CWC27: variants seen among roughly 807,000 people sequenced by gnomAD.
CWC27 encodes CWC27 spliceosome associated cyclophilin.
A neutral mutation model predicts 63.6 loss-of-function variants in CWC27; 47 were observed. That is an observed-to-expected ratio of 0.74 (90% CI 0.58 to 0.94). The LOEUF is 0.94. Among genes scored for constraint, CWC27 ranks in the 40% least tolerant of loss-of-function variants. CWC27 has a pLI of 0.00. For synonymous variants in CWC27, 175 were observed against 179.8 expected, an observed-to-expected ratio of 0.97 and a Z score of 0.22; for missense variants, 495 against 554.3, an observed-to-expected ratio of 0.89 and a Z score of 1.07.
intron 11 of CWC27, among the ~76,000 whole-genome samples, chr5:64,937,586 G>T (rs975949655): frequency 6.6e-6 from 1 of 152,082 alleles, no homozygotes. Context: ...TGGGGTGGAG[G>T]ATTCTGTAGA....
rs200712636 is a variant in CWC27 at position 64,804,293 on chromosome 5, G to C, written c.845G>C (p.Arg282Thr). 19 of 1,613,116 alleles carry C rather than the reference G, an allele frequency of 1.2e-5. No homozygotes were observed. The East Asian group carries it at 4.0e-4, about 34-fold the overall frequency. Residue 282 changes from arginine (R) to threonine (T), a missense_variant, in exon 10 of 14, where the codon AGA becomes ACA. This residue lies in a region of CWC27 where 463 missense variants were observed against 498.1 expected (regional missense o/e 0.93). Transcript: ENST00000381070. The part of the protein sequence containing the change: ...YIDGDEKNLM[R>T]ERIAKKLKKD... ...GATGGTGATGAAAAGAACCTGATGA[G>C]AGAAAGAATTGCCAAAAAATTAAAA...
At chr5:64,814,493 T>C (rs1744972865) in intron 10 of CWC27, among the ~76,000 whole-genome samples, 1 of 152,178 alleles carries the variant, frequency 6.6e-6, no homozygotes, top group African/African-American at 2.4e-5. Flanking sequence ...AATCAACTTA[T>C]TTCCCTAATA....
chr5:64,949,996 T>C (rs1443429061), intron 11 of CWC27, among the ~76,000 whole-genome samples: 1 of 151,972 alleles, frequency 6.6e-6, no homozygotes, highest in Admixed American at 6.6e-5. Context: ...TTAAACTGAG[T>C]TGTGCTATAA....
chr5:64,995,746 A>T (rs936972996), intron 13 of CWC27, among the ~76,000 whole-genome samples: 1 of 152,182 alleles, frequency 6.6e-6, no homozygotes, highest in African/African-American at 2.4e-5. Context: ...TTGTTGTAGC[A>T]ATGTAATACT....
intron 11 of CWC27, among the ~76,000 whole-genome samples, chr5:64,938,319 G>A (rs922207750): frequency 2.6e-5 from 4 of 152,132 alleles, no homozygotes; most frequent in Non-Finnish European, 5.9e-5. Flanking sequence ...GAATCTCTCA[G>A]CATTTGCTTG....
chr5:64,985,550 T>C (rs904075593), intron 13 of CWC27, among the ~76,000 whole-genome samples: 18 of 152,210 alleles, frequency 1.2e-4, no homozygotes, highest in African/African-American at 4.3e-4. Flanking sequence ...TTTTTTTATT[T>C]TGGTTTGCAA....
intron 10 of CWC27, among the ~76,000 whole-genome samples, chr5:64,883,419 T>G (rs776817242): frequency 2.0e-5 from 3 of 152,186 alleles, no homozygotes; most frequent in Non-Finnish European, 4.4e-5. Context: ...GGAGTGATAG[T>G]TGATGTTATG....
At chr5:64,786,164 CAAAAA>C (rs1209111233) in intron 5 of CWC27, among the ~76,000 whole-genome samples, 2 of 64,280 alleles carry the variant, frequency 3.1e-5, no homozygotes, top group Non-Finnish European at 6.5e-5. Context: ...GACTCCATCT[CAAAAA>C]AAAAAAAAAA....
intron 10 of CWC27, among the ~76,000 whole-genome samples, chr5:64,806,913 T>C (rs1403608914): frequency 1.3e-5 from 2 of 152,190 alleles, no homozygotes; most frequent in Admixed American, 1.3e-4. Flanking sequence ...AAGTTAACTT[T>C]ATGGTTAAAA....
chr5:64,778,748 G>T (rs1371514970), intron 2 of CWC27, among the ~76,000 whole-genome samples: 1 of 152,156 alleles, frequency 6.6e-6, no homozygotes, highest in Non-Finnish European at 1.5e-5. Flanking sequence ...GGTTACCTAG[G>T]AATATAGGAG....
intron 6 of CWC27, among the ~76,000 whole-genome samples, chr5:64,788,300 G>T (rs1743953911): frequency 6.6e-6 from 1 of 151,130 alleles, no homozygotes; most frequent in African/African-American, 2.4e-5. Context: ...GTTGGTCGTT[G>T]CTTGCTTCTA....
chr5:64,826,718 TA>T, intron 10 of CWC27, among the ~76,000 whole-genome samples: 1 of 150,888 alleles, frequency 6.6e-6, no homozygotes. Flanking sequence ...TTTTTTTTGC[TA>T]ATATCACAAT....
At chr5:64,838,941 A>T (rs1426956682) in intron 10 of CWC27, among the ~76,000 whole-genome samples, 3 of 152,230 alleles carry the variant, frequency 2.0e-5, no homozygotes, top group Non-Finnish European at 4.4e-5. Context: ...TACTATGAAA[A>T]TAATCAGTCA....
chr5:64,814,891 G>C (rs978747115), intron 10 of CWC27, among the ~76,000 whole-genome samples: 8 of 152,072 alleles, frequency 5.3e-5, no homozygotes, highest in Admixed American at 3.9e-4. Flanking sequence ...TAGTATCTGT[G>C]GGGATGGATT....
intron 13 of CWC27, among the ~76,000 whole-genome samples, chr5:65,005,071 G>A (rs1181576096): frequency 2.0e-5 from 3 of 151,550 alleles, no homozygotes; most frequent in African/African-American, 7.3e-5. Flanking sequence ...TGTTAGTGTA[G>A]GCTGTGGTGA....
At chr5:65,001,818 G>A (rs531702525) in intron 13 of CWC27, among the ~76,000 whole-genome samples, 49 of 151,714 alleles carry the variant, frequency 3.2e-4, no homozygotes, top group Non-Finnish European at 5.2e-4. Context: ...TTTGGTTACC[G>A]GGTAGTGATG....
At chr5:64,842,063 G>T (rs1413996685) in intron 10 of CWC27, among the ~76,000 whole-genome samples, 1 of 152,118 alleles carries the variant, frequency 6.6e-6, no homozygotes, top group African/African-American at 2.4e-5. Flanking sequence ...ATCTATTTTT[G>T]AAATGTTTTA....
At chr5:64,882,760 A>G (rs1241036659) in intron 10 of CWC27, among the ~76,000 whole-genome samples, 2 of 151,926 alleles carry the variant, frequency 1.3e-5, no homozygotes, top group African/African-American at 2.4e-5. Context: ...CGCCTGGCCA[A>G]TGTTTTGTAT....
intron 11 of CWC27, among the ~76,000 whole-genome samples, chr5:64,893,906 G>T (rs1374707661): frequency 6.7e-6 from 1 of 149,704 alleles, no homozygotes; most frequent in African/African-American, 2.5e-5. Flanking sequence ...CAGTCCTGAA[G>T]GGATCATCTG....
Sources: allele counts gnomAD v4.1 joint callset (sites outside exome capture counted in the v4.1 genomes callset), GRCh38; gene constraint gnomAD v4.1.1; regional missense constraint gnomAD v4.1.1; transcripts MANE v1.5; gene names NCBI Gene and HGNC (gene_info 2026-07-23, HGNC 2026-07-21).